The following MSR1 variants were observed in gnomAD, a reference collection of about 807,000 sequenced individuals.
MSR1 encodes the protein macrophage scavenger receptor types I and II.
In MSR1, 53 loss-of-function variants were observed where a neutral mutation model predicts 47.2. The observed-to-expected ratio is 1.12, with a 90% CI of 0.90 to 1.41. The LOEUF (loss-of-function observed/expected upper bound fraction) is 1.41. Ranked by LOEUF, MSR1 falls within the 40% of genes most tolerant of loss-of-function variation. The pLI is 0.00. For synonymous variants in MSR1, 239 were observed against 185.6 expected (o/e 1.29, Z -2.34); for missense variants, 786 against 546.9 (o/e 1.44, Z -4.36).
intron 3 of MSR1, among the ~76,000 whole-genome samples, chr8:16,174,125 G>C (rs980603824): frequency 6.6e-6 from 1 of 152,286 alleles, no homozygotes; most frequent in African/African-American, 2.4e-5. Context: ...TCTCTGTAGA[G>C]AGGTTAATTG....
In MSR1 at chr8:16,110,102, C is replaced by T; in HGVS notation, c.1339G>A (p.Val447Ile). The T allele has an allele frequency of 1.2e-6, 2 of 1,613,632 alleles. No individual in the cohort carries two copies. The highest frequency in any genetic ancestry group is 1.7e-6 in the Non-Finnish European group (2 of 1,179,708). ...ATGATGCATTATAAAGTGCAAGTGA[C>T]TCCAGCATCTTCAGAATGTGAACAG... ...RACSHSEDAG[V>I]TCTL Residue 447 changes from valine (V) to isoleucine (I), a missense_variant, in exon 10 of 10, where the codon GTC becomes ATC. Physicochemically the swap from Val to Ile is conservative, Grantham distance 29 (BLOSUM62 3). Transcript: ENST00000262101.
chr8:16,149,404 A>AT (rs1800785108), intron 7 of MSR1, among the ~76,000 whole-genome samples: 1 of 151,518 alleles, frequency 6.6e-6, no homozygotes, highest in African/African-American at 2.4e-5. Context: ...TCTTTTTCTT[A>AT]TTTTTTTAGA....
chr8:16,131,078 C>T (rs1800244714), intron 8 of MSR1, among the ~76,000 whole-genome samples: 1 of 152,072 alleles, frequency 6.6e-6, no homozygotes, highest in Non-Finnish European at 1.5e-5. Flanking sequence ...AATAACTGAA[C>T]TAATTTACAT....
rs1399979266 is a variant in MSR1 at position 16,188,895 on chromosome 8, T to G, written c.-5+3703A>C. ...ATGGTGTATATATGCCACATTTTCT[T>G]TACCCAGTCTATCACTGAGGGACAT... On this transcript the variant is annotated intron_variant, in intron 1 of 9. Coordinates refer to ENST00000262101, the MANE Select transcript of MSR1 (RefSeq NM_138715.3). Among the ~76,000 whole-genome samples the G allele has an allele frequency of 2.7e-5, 4 of 150,684 alleles. No homozygotes were observed. The South Asian group carries it at 8.4e-4, about 32-fold the overall frequency.
rs552864106 is a variant in MSR1, at chr8:16,108,910, AC to A, written c.*1174del. On this transcript the variant is annotated 3_prime_UTR_variant, in exon 10 of 10. Transcript: ENST00000262101. ...TCCATAATAGTACTAGTTTACAATT[AC>A]TTTTTTTGTGAATTAGTCATAGGAA... is the stretch of plus-strand genomic sequence containing the variant. The A allele has an allele frequency of 4.1e-3, 622 of 152,234 alleles. 7 individuals carry two copies. The highest frequency in any genetic ancestry group is 0.014 in the African/African-American group (597 of 41,556). 9.4% of individuals were successfully genotyped at this position (152,234 alleles called of 1,614,324 possible). A position where few individuals can be genotyped will look rare whatever the true frequency, so the allele number is the denominator to read the frequency against.
intron 1 of MSR1, among the ~76,000 whole-genome samples, chr8:16,185,603 T>A (rs78236192): frequency 1.4e-3 from 211 of 152,190 alleles, no homozygotes; most frequent in African/African-American, 4.9e-3. Context: ...AAGACCCATA[T>A]CTGACTGCAC....
chr8:16,179,672 G>C (rs1265823396), intron 1 of MSR1, among the ~76,000 whole-genome samples: 1 of 151,902 alleles, frequency 6.6e-6, no homozygotes, highest in Non-Finnish European at 1.5e-5. Context: ...CTGAGGTCAG[G>C]ATTTCGAGAC....
intron 1 of MSR1, among the ~76,000 whole-genome samples, chr8:16,192,064 G>A (rs387366): frequency 2.0e-5 from 3 of 151,686 alleles, no homozygotes; most frequent in South Asian, 2.1e-4. Context: ...ATAAGATTCC[G>A]GAGCACAAAA....
chr8:16,187,152 CAGG>C (rs1802025674), intron 1 of MSR1, among the ~76,000 whole-genome samples: 2 of 151,614 alleles, frequency 1.3e-5, no homozygotes, highest in Admixed American at 1.3e-4. Context: ...CACCTGAGGT[CAGG>C]AGTTCGAGAC....
chr8:16,158,981 G>T (rs1203691373), intron 5 of MSR1, among the ~76,000 whole-genome samples: 1 of 137,538 alleles, frequency 7.3e-6, no homozygotes, highest in East Asian at 2.3e-4. Flanking sequence ...CTTTGCCTAG[G>T]CTGGTCTTGA....
At chr8:16,149,833 T>A (rs571052729) in intron 7 of MSR1, among the ~76,000 whole-genome samples, 1 of 152,130 alleles carries the variant, frequency 6.6e-6, no homozygotes, top group East Asian at 1.9e-4. Context: ...TGCTTCTTTT[T>A]TTTTCTTTGC....
intron 6 of MSR1, among the ~76,000 whole-genome samples, chr8:16,152,651 CT>C (rs1284053435): frequency 1.3e-5 from 2 of 152,060 alleles, no homozygotes; most frequent in East Asian, 3.9e-4. Flanking sequence ...GCATAAACAG[CT>C]TCTTAGATGG....
chr8:16,157,743 G>A (rs1801050561), intron 5 of MSR1, among the ~76,000 whole-genome samples: 2 of 151,822 alleles, frequency 1.3e-5, no homozygotes, highest in African/African-American at 4.8e-5. Flanking sequence ...TCCAAAACTA[G>A]CCTCCTCTCC....
chr8:16,161,158 T>C (rs1801152402), intron 5 of MSR1, among the ~76,000 whole-genome samples: 1 of 149,464 alleles, frequency 6.7e-6, no homozygotes, highest in Non-Finnish European at 1.5e-5. Flanking sequence ...TAGTAGAGAG[T>C]AAGAAGAAGT....
intron 1 of MSR1, 111 bp from the exon 2 acceptor site, chr8:16,178,103 CT>C (rs199889203): frequency 0.062 from 35,178 of 565,570 alleles, no homozygotes; most frequent in Non-Finnish European, 0.076. Flanking sequence ...TTCAGTTTTT[CT>C]TTTTTTTTTT....
At chr8:16,119,891 T>TTA (rs1799957126) in intron 9 of MSR1, among the ~76,000 whole-genome samples, 1 of 107,386 alleles carries the variant, frequency 9.3e-6, no homozygotes, top group African/African-American at 3.3e-5. Context: ...TTTTTTTTTT[T>TTA]AATTGGTAGA....
At chr8:16,179,838 C>G (rs1384754645) in intron 1 of MSR1, among the ~76,000 whole-genome samples, 1 of 131,638 alleles carries the variant, frequency 7.6e-6, no homozygotes, top group Non-Finnish European at 1.5e-5. Context: ...CATTGCACCG[C>G]TGAACTCTAG....
intron 5 of MSR1, among the ~76,000 whole-genome samples, chr8:16,157,891 T>C (rs1173986988): frequency 6.6e-6 from 1 of 151,956 alleles, no homozygotes. Flanking sequence ...TTGATAAGAA[T>C]CCGTTTTGCA....
intron 4 of MSR1, 136 bp downstream of exon 4, chr8:16,168,322 A>C (rs1801375611): frequency 1.2e-6 from 1 of 814,070 alleles, no homozygotes; most frequent in African/African-American, 1.7e-5. Context: ...AAATCTGGAT[A>C]AGTTAGCCAT....
Sources: gnomAD v4.1 joint callset for allele counts (sites outside exome capture counted in the v4.1 genomes callset) on GRCh38, gnomAD v4.1.1 for gene constraint, MANE v1.5 for transcripts, NCBI Gene and HGNC (gene_info 2026-07-23, HGNC 2026-07-21) for gene names.